The following PIGU variants were observed in gnomAD, a reference collection of about 807,000 sequenced individuals.
PIGU encodes the protein GPI-anchor transamidase component PIGU.
Under a neutral mutation model 49.9 loss-of-function variants are expected in PIGU, and 24 were observed. That is an observed-to-expected ratio of 0.48 (90% CI 0.35 to 0.68). The LOEUF (loss-of-function observed/expected upper bound fraction) is 0.68. Ranked by LOEUF, PIGU falls within the 30% of genes least tolerant of loss-of-function variation. The pLI is 0.01. For synonymous variants in PIGU, 220 were observed against 205.7 expected (o/e 1.07, Z -0.59); for missense variants, 490 against 532.6 (o/e 0.92, Z 0.79).
chr20:34,607,212 G>A lies in PIGU; in HGVS notation c.627+8830C>T, dbSNP rs552135170. 6.2e-4 allele frequency among the ~76,000 whole-genome samples: 94 copies of A among 152,312 alleles called. 1 individual carries two copies. The South Asian group carries it at 0.019, about 31-fold the overall frequency. ...ATCCATGTGATATGCACAAGAGGCA[G>A]GTAGAAAAGGGCCGTTCCTGGCGAC... On this transcript the variant is annotated intron_variant, in intron 7 of 11. Transcript: ENST00000217446.
intron 1 of PIGU, among the ~76,000 whole-genome samples, chr20:34,673,602 T>C (rs1987383642): frequency 6.6e-6 from 1 of 152,240 alleles, no homozygotes; most frequent in South Asian, 2.1e-4. Context: ...GATTCATCTA[T>C]TTCAGCCCAT....
intron 2 of PIGU, among the ~76,000 whole-genome samples, chr20:34,651,113 G>A (rs941896544): frequency 6.6e-6 from 1 of 152,076 alleles, no homozygotes; most frequent in Non-Finnish European, 1.5e-5. Flanking sequence ...TCTTTAAGCT[G>A]GTAATTACAA....
At chr20:34,644,082 C>G (rs1568655564) in intron 4 of PIGU, 82 bp downstream of exon 4, 1 of 1,295,880 alleles carries the variant, frequency 7.7e-7, no homozygotes, top group African/African-American at 1.5e-5. Flanking sequence ...CATCTGGATC[C>G]TTAAGTATAA....
intron 11 of PIGU, 89 bp downstream of exon 11, chr20:34,575,015 G>A (rs950429586): frequency 2.9e-5 from 44 of 1,525,838 alleles, no homozygotes; most frequent in Middle Eastern, 1.7e-4. Flanking sequence ...TGCACCCCCC[G>A]GTATGCAGAA....
intron 7 of PIGU, among the ~76,000 whole-genome samples, chr20:34,602,750 T>C (rs1399280777): frequency 6.6e-6 from 1 of 152,212 alleles, no homozygotes; most frequent in Non-Finnish European, 1.5e-5. Flanking sequence ...TGAATGATTG[T>C]AAGGTGAACA....
chr20:34,675,901 G>C (rs1001877174), intron 1 of PIGU, among the ~76,000 whole-genome samples: 1 of 152,046 alleles, frequency 6.6e-6, no homozygotes, highest in African/African-American at 2.4e-5. Flanking sequence ...ACACAAAGGG[G>C]ACTTCTGGGG....
rs943612965 is a variant in PIGU, at chr20:34,560,703, T to TGTCA, written c.*159_*162dup. Reference sequence around the variant, plus strand: ...CCCAGTTCTTCCCCATAGGCCTTGCTGTCAGTCAGCCATGGGTCCCTTTTG... The same window carrying TGTCA: ...CCCAGTTCTTCCCCATAGGCCTTGCTGTCAGTCAGTCAGCCATGGGTCCCTTTTG... On this transcript the variant is annotated 3_prime_UTR_variant, in exon 12 of 12. Transcript: ENST00000217446. The TGTCA allele has an allele frequency of 7.8e-6, 4 of 512,176 alleles. No individual in the cohort carries two copies. The highest frequency in any genetic ancestry group is 4.0e-5 in the African/African-American group (2 of 50,080). 31.7% of individuals were successfully genotyped at this position (512,176 alleles called of 1,614,324 possible).
intron 1 of PIGU, among the ~76,000 whole-genome samples, chr20:34,659,922 T>C (rs975866377): frequency 4.0e-5 from 6 of 151,872 alleles, no homozygotes; most frequent in East Asian, 1.9e-4. Context: ...TGCGGAAGGC[T>C]GCAGGGTCCT....
At chr20:34,658,642 G>A (rs557380343) in intron 1 of PIGU, among the ~76,000 whole-genome samples, 34 of 149,986 alleles carry the variant, frequency 2.3e-4, no homozygotes, top group African/African-American at 7.1e-4. Flanking sequence ...CTGCCCAGCC[G>A]CGACCCCATC....
Position 34,560,989 on chromosome 20 carries a change from G to A in PIGU, c.1195-10C>T, listed in dbSNP as rs1392939947. 1.3e-6 allele frequency: 2 copies of A among 1,579,198 alleles called. No homozygotes were observed. Among genetic ancestry groups the A allele is most frequent in the Admixed American group, 1.7e-5 (1 of 59,524 alleles). ...CAGAGATGAGCAGGATCTGGGGGGA[G>A]AGAGAGGGTGTGAGGCGCTGCTGGG... On this transcript the variant is annotated splice_polypyrimidine_tract_variant and intron_variant, in intron 11 of 11. Coordinates refer to ENST00000217446, the MANE Select transcript of PIGU (RefSeq NM_080476.5).
intron 6 of PIGU, among the ~76,000 whole-genome samples, chr20:34,631,785 A>T (rs6088550): frequency 0.037 from 238 of 6,442 alleles, 19 homozygotes; most frequent in South Asian, 0.16. Context: ...ATATATATAT[A>T]TTTTTTTTTT....
At chr20:34,633,242 T>C (rs1439960535) in intron 6 of PIGU, among the ~76,000 whole-genome samples, 1 of 152,108 alleles carries the variant, frequency 6.6e-6, no homozygotes, top group African/African-American at 2.4e-5. Flanking sequence ...GGAGGGTGGA[T>C]CGCTTAAGTC....
chr20:34,575,823 G>A (rs1262952532), intron 10 of PIGU, among the ~76,000 whole-genome samples: 9 of 152,166 alleles, frequency 5.9e-5, no homozygotes, highest in South Asian at 2.1e-4. Context: ...TTTTGACACC[G>A]TCTCTCACTC....
At chr20:34,600,833 G>C (rs947031831) in intron 7 of PIGU, among the ~76,000 whole-genome samples, 1 of 152,048 alleles carries the variant, frequency 6.6e-6, no homozygotes, top group East Asian at 1.9e-4. Flanking sequence ...TTGGGAGTTC[G>C]AGACCAGCCT....
intron 1 of PIGU, among the ~76,000 whole-genome samples, chr20:34,665,664 T>C (rs1350872301): frequency 6.6e-6 from 1 of 152,102 alleles, no homozygotes. Context: ...TGGAATACAT[T>C]TAGTTTTAAT....
intron 9 of PIGU, among the ~76,000 whole-genome samples, chr20:34,583,766 A>C (rs1003508900): frequency 2.0e-5 from 3 of 152,236 alleles, no homozygotes; most frequent in Non-Finnish European, 4.4e-5. Flanking sequence ...GGAGCCTGCC[A>C]GGCCATGGAA....
At chr20:34,612,970 T>C (rs1394216809) in intron 7 of PIGU, among the ~76,000 whole-genome samples, 4 of 152,128 alleles carry the variant, frequency 2.6e-5, no homozygotes, top group African/African-American at 9.7e-5. Context: ...CCAGGCTACT[T>C]CATATATTTA....
At chr20:34,571,291 C>T (rs1393721568) in intron 11 of PIGU, among the ~76,000 whole-genome samples, 3 of 152,084 alleles carry the variant, frequency 2.0e-5, no homozygotes, top group African/African-American at 4.8e-5. Context: ...ATAATAGCTC[C>T]CAGGGTAAAG....
At position 34,626,961 on chromosome 20, in the gene PIGU, A is replaced by G. The variant is rs1160500057; in HGVS notation, c.529+7654T>C. 2.6e-5 allele frequency among the ~76,000 whole-genome samples: 4 copies of G among 152,218 alleles called. No homozygotes were observed. In the East Asian group the frequency reaches 7.7e-4, roughly 29 times the overall value. On this transcript the variant is annotated intron_variant, in intron 6 of 11. Coordinates refer to ENST00000217446, the MANE Select transcript of PIGU (RefSeq NM_080476.5). The stretch of plus-strand genomic sequence containing the variant: ...TATGTGGTAAAATGTGAACTGTAGA[A>G]ATATAACTTGCAGAAGTTATAACTG...
Sources: gnomAD v4.1 joint callset for allele counts (sites outside exome capture counted in the v4.1 genomes callset) on GRCh38, gnomAD v4.1.1 for gene constraint, MANE v1.5 for transcripts, NCBI Gene and HGNC (gene_info 2026-07-23, HGNC 2026-07-21) for gene names.